The following CCDC148 variants were observed in gnomAD, a reference collection of about 807,000 sequenced individuals.
CCDC148 encodes coiled-coil domain-containing protein 148.
A neutral mutation model predicts 85.7 loss-of-function variants in CCDC148; 89 were observed. The ratio of observed to expected loss-of-function variants is 1.04; its 90% CI spans 0.87 to 1.24. The LOEUF (loss-of-function observed/expected upper bound fraction) is 1.24, where lower values mean the gene tolerates loss of function less well. CCDC148 is among the 50% of genes most tolerant of loss of function. The pLI, the probability that CCDC148 is intolerant of heterozygous loss-of-function variation, is 0.00. For synonymous variants in CCDC148, 230 were observed against 213.9 expected (o/e 1.08, Z -0.66); for missense variants, 692 against 671.7 (o/e 1.03, Z -0.33).
At chr2:158,273,685 T>C (rs1437631319) in intron 9 of CCDC148, among the ~76,000 whole-genome samples, 2 of 152,092 alleles carry the variant, frequency 1.3e-5, no homozygotes, top group Non-Finnish European at 2.9e-5. Flanking sequence ...TGATTCTGGG[T>C]TCCTTACAGA....
intron 7 of CCDC148, among the ~76,000 whole-genome samples, chr2:158,325,187 TC>T: frequency 6.6e-6 from 1 of 152,154 alleles, no homozygotes; most frequent in South Asian, 2.1e-4. Flanking sequence ...GTACACATCA[TC>T]TTCAATTCCT....
At position 158,447,258 on chromosome 2, in the gene CCDC148, C is replaced by T. The variant is rs547124164; in HGVS notation, c.25+9157G>A. ...TGATCAGCACAGGAGTTTTGACCTG[C>T]CCTGTTTCCAACCTGAGCTGCTTCA... On this transcript the variant is annotated intron_variant, in intron 1 of 13. Coordinates refer to ENST00000283233, the MANE Select transcript of CCDC148 (RefSeq NM_138803.4). The T allele has an allele frequency of 2.6e-5, 4 of 152,274 alleles. No homozygotes were observed. In the South Asian group the frequency reaches 6.2e-4, roughly 24 times the overall value. 9.4% of individuals were successfully genotyped at this position (152,274 alleles called of 1,614,324 possible). A position where few individuals can be genotyped will look rare whatever the true frequency, so the allele number is the denominator to read the frequency against.
intron 11 of CCDC148, among the ~76,000 whole-genome samples, chr2:158,204,331 G>A (rs565453123): frequency 3.3e-5 from 5 of 152,240 alleles, no homozygotes; most frequent in African/African-American, 1.2e-4. Context: ...GGATCTAAAT[G>A]CCTTCTACTT....
In CCDC148 at chr2:158,178,892, G is replaced by A. The variant is rs1446811505; in HGVS notation, c.1475C>T (p.Ala492Val). 2 of 1,612,396 alleles carry A rather than the reference G, an allele frequency of 1.2e-6. No individual in the cohort carries two copies. The highest frequency in any genetic ancestry group is 1.3e-5 in the African/African-American group (1 of 74,806). The stretch of plus-strand genomic sequence containing the variant: ...AATGAAAAACACCTGTTTCCTAAGG[G>A]CTTCTAGCCGCCGTGCTCTCTCTTT... ...EDKERARRLE[A>V]LRKQVAVVAQ... is the part of the protein sequence containing the mutation. The change falls in exon 12 of 14, where the codon GCC becomes GTC. Residue 492 changes from alanine to valine, a missense_variant. Ala to Val is a moderately conservative substitution (Grantham distance 64). Transcript: ENST00000283233.
At chr2:158,367,676 G>A (rs1049892449) in intron 1 of CCDC148, among the ~76,000 whole-genome samples, 7 of 152,080 alleles carry the variant, frequency 4.6e-5, no homozygotes, top group African/African-American at 1.7e-4. Context: ...GGAAATCAAA[G>A]TTGTAGCCAA....
intron 7 of CCDC148, among the ~76,000 whole-genome samples, chr2:158,334,405 T>C (rs1257120187): frequency 2.0e-5 from 2 of 98,668 alleles, no homozygotes; most frequent in Admixed American, 1.8e-4. Flanking sequence ...TAGAAGCAAG[T>C]GGCAACTATG....
chr2:158,348,601 T>A (rs886802251), intron 2 of CCDC148, among the ~76,000 whole-genome samples: 1 of 151,994 alleles, frequency 6.6e-6, no homozygotes, highest in Non-Finnish European at 1.5e-5. Context: ...TTTTTAAAAA[T>A]CTCTATTATT....
chr2:158,288,012 T>C (rs1690710456), intron 9 of CCDC148, among the ~76,000 whole-genome samples: 2 of 152,334 alleles, frequency 1.3e-5, no homozygotes, highest in Non-Finnish European at 1.5e-5. Context: ...ACCCGCAGGC[T>C]TAAACATTAC....
chr2:158,250,771 C>CTTTTT lies in CCDC148; in HGVS notation c.1247_1251dup (p.Ile418LysfsTer3). On this transcript the variant is annotated frameshift_variant and splice_region_variant. Coordinates refer to ENST00000283233, the MANE Select transcript of CCDC148 (RefSeq NM_138803.4). LOFTEE classifies it high-confidence loss of function. ...ATTCGTATTGACAATAGATTTTTTA[C>CTTTTT]TTTTTTTTTCTTCTCTGCTCTTTGC... The CTTTTT allele has an allele frequency of 1.3e-6, 2 of 1,535,176 alleles. No individual in the cohort carries two copies. The highest frequency in any genetic ancestry group is 1.7e-6 in the Non-Finnish European group (2 of 1,143,016).
At chr2:158,379,871 A>T (rs936824883) in intron 1 of CCDC148, among the ~76,000 whole-genome samples, 3 of 152,174 alleles carry the variant, frequency 2.0e-5, no homozygotes, top group African/African-American at 7.2e-5. Flanking sequence ...ACCAAGATTC[A>T]TGCCACTTTC....
At chr2:158,227,926 G>A (rs570035497) in intron 10 of CCDC148, among the ~76,000 whole-genome samples, 3 of 152,186 alleles carry the variant, frequency 2.0e-5, no homozygotes, top group Non-Finnish European at 2.9e-5. Flanking sequence ...AACACCAAAA[G>A]CAATGGCAAC....
At chr2:158,449,501 G>C (rs1041971967) in intron 1 of CCDC148, among the ~76,000 whole-genome samples, 1 of 151,370 alleles carries the variant, frequency 6.6e-6, no homozygotes, top group African/African-American at 2.4e-5. Context: ...AGGCTGGAGT[G>C]CAGTGGTAGG....
At chr2:158,422,991 G>C (rs149885482) in intron 1 of CCDC148, among the ~76,000 whole-genome samples, 26,883 of 151,996 alleles carry the variant, frequency 0.18, 3,105 homozygotes, top group Middle Eastern at 0.26. Context: ...TTGCTTCAAA[G>C]AGAATAAAAT....
chr2:158,389,527 A>C (rs549907735), intron 1 of CCDC148, among the ~76,000 whole-genome samples: 1 of 152,310 alleles, frequency 6.6e-6, no homozygotes, highest in South Asian at 2.1e-4. Context: ...TTATTCTTTC[A>C]AAAGCACTTA....
intron 1 of CCDC148, among the ~76,000 whole-genome samples, chr2:158,432,975 C>T (rs1687424302): frequency 6.8e-6 from 1 of 148,142 alleles, no homozygotes; most frequent in African/African-American, 2.5e-5. Context: ...CAATGGCTCA[C>T]ACCTGTAATC....
chr2:158,397,302 G>C, intron 1 of CCDC148, among the ~76,000 whole-genome samples: 1 of 152,058 alleles, frequency 6.6e-6, no homozygotes, highest in East Asian at 1.9e-4. Context: ...TCCTCGAGAA[G>C]AGTAACCCCA....
intron 1 of CCDC148, among the ~76,000 whole-genome samples, chr2:158,413,347 C>T (rs1686350833): frequency 1.3e-5 from 2 of 152,080 alleles, no homozygotes. Flanking sequence ...CTTCAGTGGG[C>T]TATCCCAGCT....
intron 10 of CCDC148, among the ~76,000 whole-genome samples, chr2:158,243,032 T>A (rs1433906454): frequency 6.6e-6 from 1 of 152,050 alleles, no homozygotes; most frequent in Non-Finnish European, 1.5e-5. Flanking sequence ...CAAGTTCAGC[T>A]CAGCCCTGTC....
At chr2:158,448,345 A>ATTTTT (rs145406168) in intron 1 of CCDC148, among the ~76,000 whole-genome samples, 1 of 147,744 alleles carries the variant, frequency 6.8e-6, no homozygotes, top group Admixed American at 6.7e-5. Flanking sequence ...TTTCCATTTT[A>ATTTTT]TTTTTTTTTT....
Sources: allele counts gnomAD v4.1 joint callset (sites outside exome capture counted in the v4.1 genomes callset), GRCh38; gene constraint gnomAD v4.1.1; transcripts MANE v1.5; gene names NCBI Gene and HGNC (gene_info 2026-07-23, HGNC 2026-07-21).